The following SLC8A1 variants were observed in gnomAD, a reference collection of about 807,000 sequenced individuals.
SLC8A1 encodes the protein sodium/calcium exchanger 1.
Under a neutral mutation model 68.3 loss-of-function variants are expected in SLC8A1, and 18 were observed. The ratio of observed to expected loss-of-function variants is 0.26; its 90% CI spans 0.18 to 0.39. The LOEUF (loss-of-function observed/expected upper bound fraction) is 0.39. SLC8A1 is among the 10% of genes least tolerant of loss of function. The pLI is 1.00. For missense variants in SLC8A1, 985 were observed against 1,156.7 expected (o/e 0.85, Z 2.15); for synonymous variants, 475 against 415.5 (o/e 1.14, Z -1.74).
At chr2:40,321,778 C>T (rs962693654) in intron 2 of SLC8A1, among the ~76,000 whole-genome samples, 20 of 152,026 alleles carry the variant, frequency 1.3e-4, no homozygotes, top group African/African-American at 3.1e-4. Flanking sequence ...TCCCATGACA[C>T]GTGGGGACTA....
intron 2 of SLC8A1, among the ~76,000 whole-genome samples, chr2:40,347,066 T>C (rs1034265724): frequency 2.0e-5 from 3 of 152,206 alleles, no homozygotes; most frequent in Non-Finnish European, 2.9e-5. Flanking sequence ...AGGCAATAGA[T>C]AGCACTTTGT....
chr2:40,173,806 C>T (rs1489291252), intron 4 of SLC8A1, among the ~76,000 whole-genome samples: 3 of 152,104 alleles, frequency 2.0e-5, no homozygotes, highest in Non-Finnish European at 4.4e-5. Context: ...GAATGTAGGC[C>T]ATTAAAGATA....
At chr2:40,227,672 A>T (rs943583965) in intron 2 of SLC8A1, among the ~76,000 whole-genome samples, 5 of 152,100 alleles carry the variant, frequency 3.3e-5, no homozygotes, top group African/African-American at 4.8e-5. Flanking sequence ...TTATCTATGT[A>T]ACAAACCTGC....
At chr2:40,150,948 T>C (rs2043304791) in intron 6 of SLC8A1, among the ~76,000 whole-genome samples, 3 of 152,316 alleles carry the variant, frequency 2.0e-5, no homozygotes, top group South Asian at 4.1e-4. Context: ...GCTCACCTAC[T>C]AGTATGTCCC....
intron 2 of SLC8A1, among the ~76,000 whole-genome samples, chr2:40,343,892 T>C (rs1668453936): frequency 6.6e-6 from 1 of 152,208 alleles, no homozygotes; most frequent in Non-Finnish European, 1.5e-5. Context: ...TTTTTTATAA[T>C]AGAATTTTTA....
chr2:40,176,761 G>A (rs751777351), intron 3 of SLC8A1, among the ~76,000 whole-genome samples: 1 of 152,046 alleles, frequency 6.6e-6, no homozygotes, highest in African/African-American at 2.4e-5. Context: ...CTTACAAAGT[G>A]GCCCATCTCA....
chr2:40,353,499 C>G (rs1671744931), intron 2 of SLC8A1, among the ~76,000 whole-genome samples: 1 of 152,064 alleles, frequency 6.6e-6, no homozygotes, highest in African/African-American at 2.4e-5. Flanking sequence ...TCCCTCCTCT[C>G]ATGCCTCATT....
chr2:40,382,023 G>T (rs1278582735), intron 2 of SLC8A1, among the ~76,000 whole-genome samples: 2 of 152,136 alleles, frequency 1.3e-5, no homozygotes, highest in East Asian at 3.9e-4. Context: ...CTTCTTCCCT[G>T]ACAATAATCA....
At chr2:40,330,661 T>C (rs1294053793) in intron 2 of SLC8A1, among the ~76,000 whole-genome samples, 1 of 152,196 alleles carries the variant, frequency 6.6e-6, no homozygotes, top group East Asian at 1.9e-4. Flanking sequence ...ATACTACTAG[T>C]TGCTTATAGT....
chr2:40,351,113 T>A (rs776090790), intron 2 of SLC8A1, among the ~76,000 whole-genome samples: 9 of 152,218 alleles, frequency 5.9e-5, no homozygotes, highest in Non-Finnish European at 1.2e-4. Context: ...TATCTGGGAA[T>A]GGGATCACCC....
intron 2 of SLC8A1, chr2:40,208,458 C>T (rs1161695663): frequency 6.6e-6 from 1 of 152,160 alleles, no homozygotes; most frequent in African/African-American, 2.4e-5. Flanking sequence ...TCAGGTATCA[C>T]TGGGCAGGAA....
intron 1 of SLC8A1, among the ~76,000 whole-genome samples, chr2:40,505,129 A>G (rs1290833677): frequency 6.6e-6 from 1 of 151,934 alleles, no homozygotes; most frequent in Non-Finnish European, 1.5e-5. Context: ...TTTAGTTCTG[A>G]TGTTTCTAAA....
chr2:40,105,676 A>G (rs939118822), exon 8 of SLC8A1: 1 of 152,218 alleles, frequency 6.6e-6, no homozygotes, highest in African/African-American at 2.4e-5. Context: ...CAAACTGGCA[A>G]CAAGCACGTG....
chr2:40,114,308 C>T (rs553439239), exon 8 of SLC8A1: 1 of 152,892 alleles, frequency 6.5e-6, no homozygotes, highest in Admixed American at 6.5e-5. Context: ...GCAACGGCAA[C>T]ATGGGACTGA....
At chr2:40,275,170 T>C (rs1218747856) in intron 2 of SLC8A1, among the ~76,000 whole-genome samples, 3 of 152,208 alleles carry the variant, frequency 2.0e-5, no homozygotes, top group Non-Finnish European at 4.4e-5. Context: ...CAGTTTTTAT[T>C]ATTATGGAAC....
At position 40,490,529 on chromosome 2, in the gene SLC8A1, G is replaced by C. The variant is rs140282309; in HGVS notation, c.-25+21820C>G. ...CAATAAGTTTCGAGGAAACAAAAGTGAGTGTCCTTTAGGTACTAAATGAAT... is the reference window on the plus strand; with the variant it reads ...CAATAAGTTTCGAGGAAACAAAAGTCAGTGTCCTTTAGGTACTAAATGAAT... On this transcript the variant is annotated intron_variant, in intron 1 of 7. Coordinates refer to the SLC8A1 transcript ENST00000402441. Among the ~76,000 whole-genome samples, 1,352 of 152,194 alleles carry C rather than the reference G, an allele frequency of 8.9e-3. 17 individuals carry two copies. The highest frequency in any genetic ancestry group is 0.06 in the South Asian group (291 of 4,822).
intron 1 of SLC8A1, among the ~76,000 whole-genome samples, chr2:40,510,575 G>A (rs902925172): frequency 1.3e-5 from 2 of 152,140 alleles, no homozygotes; most frequent in Non-Finnish European, 2.9e-5. Flanking sequence ...TTGAGAAGCC[G>A]GCTGGTATAT....
intron 1 of SLC8A1, among the ~76,000 whole-genome samples, chr2:40,503,079 T>A (rs1429409289): frequency 9.2e-5 from 14 of 152,048 alleles, no homozygotes; most frequent in Non-Finnish European, 2.9e-5. Flanking sequence ...GTCAATTCCA[T>A]TTATGAAAAT....
chr2:40,418,849 C>A (rs1221869674), intron 2 of SLC8A1, among the ~76,000 whole-genome samples: 1 of 152,072 alleles, frequency 6.6e-6, no homozygotes, highest in Non-Finnish European at 1.5e-5. Flanking sequence ...GGAGAGAGAG[C>A]CCTGTAGTTT....
Sources: gnomAD v4.1 joint callset for allele counts (sites outside exome capture counted in the v4.1 genomes callset) on GRCh38, gnomAD v4.1.1 for gene constraint, MANE v1.5 for transcripts, NCBI Gene and HGNC (gene_info 2026-07-23, HGNC 2026-07-21) for gene names.